Variants in CDK14 observed in about 807,000 individuals in gnomAD.
CDK14 encodes the protein cyclin-dependent kinase 14.
CDK14 carries 34 observed loss-of-function variants against 60.7 expected under a neutral mutation model. The ratio of observed to expected loss-of-function variants is 0.56; its 90% CI spans 0.43 to 0.75. CDK14 has a LOEUF of 0.75. CDK14 is among the 30% of genes least tolerant of loss of function. CDK14 has a pLI of 0.00. For missense variants in CDK14, 482 were observed against 564.1 expected (o/e 0.85, Z 1.47); for synonymous variants, 197 against 203.7 (o/e 0.97, Z 0.28).
intron 6 of CDK14, among the ~76,000 whole-genome samples, chr7:90,875,633 C>T (rs1791532461): frequency 2.0e-5 from 3 of 151,882 alleles, no homozygotes; most frequent in Admixed American, 2.0e-4. Context: ...TACTTGTATT[C>T]AAGAACTTAA....
At chr7:91,066,271 T>C (rs1562890085) in intron 11 of CDK14, among the ~76,000 whole-genome samples, 1 of 152,356 alleles carries the variant, frequency 6.6e-6, no homozygotes, top group African/African-American at 2.4e-5. Context: ...GTTTATACTA[T>C]ATGATGTCAA....
At chr7:91,147,182 A>T (rs1317216797) in intron 14 of CDK14, among the ~76,000 whole-genome samples, 12 of 139,804 alleles carry the variant, frequency 8.6e-5, no homozygotes, top group East Asian at 4.0e-4. Flanking sequence ...ACACACACAC[A>T]CACACACACA....
At chr7:90,895,022 C>T (rs1453891554) in intron 6 of CDK14, among the ~76,000 whole-genome samples, 18 of 151,956 alleles carry the variant, frequency 1.2e-4, no homozygotes, top group Admixed American at 1.2e-3. Flanking sequence ...CTTGTGCTTG[C>T]CTAGTTTGAC....
intron 3 of CDK14, among the ~76,000 whole-genome samples, chr7:90,735,942 G>C (rs1262423157): frequency 6.6e-6 from 1 of 152,218 alleles, no homozygotes; most frequent in East Asian, 1.9e-4. Flanking sequence ...TTGAAACCCA[G>C]GCCCTGGTGG....
At chr7:90,824,308 G>T (rs1459583469) in intron 5 of CDK14, among the ~76,000 whole-genome samples, 2 of 152,268 alleles carry the variant, frequency 1.3e-5, no homozygotes, top group East Asian at 3.9e-4. Context: ...AAAGCTTCAG[G>T]AGAAGAATGT....
intron 13 of CDK14, among the ~76,000 whole-genome samples, chr7:91,116,288 G>A (rs993200329): frequency 7.2e-5 from 11 of 152,188 alleles, no homozygotes; most frequent in African/African-American, 2.4e-4. Context: ...CTCAAATTCA[G>A]TGAAAGAAGG....
chr7:91,052,959 A>G (rs750017823), intron 11 of CDK14, among the ~76,000 whole-genome samples: 2 of 152,100 alleles, frequency 1.3e-5, no homozygotes, highest in Non-Finnish European at 2.9e-5. Context: ...CTTAAAGGGA[A>G]TGTTTACATA....
chr7:91,054,452 A>G (rs1422926725), intron 11 of CDK14, among the ~76,000 whole-genome samples: 3 of 152,186 alleles, frequency 2.0e-5, no homozygotes, highest in African/African-American at 4.8e-5. Flanking sequence ...CTTTAATCAC[A>G]TAGTGAAAAA....
At chr7:90,983,749 A>G (rs941479856) in intron 9 of CDK14, among the ~76,000 whole-genome samples, 5 of 152,138 alleles carry the variant, frequency 3.3e-5, no homozygotes, top group Non-Finnish European at 7.4e-5. Flanking sequence ...CCATTATGCT[A>G]AGTGAATTAA....
Position 90,726,793 on chromosome 7 carries a change from G to C in CDK14, c.350G>C (p.Arg117Pro). 1 of 1,613,524 alleles carries C rather than the reference G, an allele frequency of 6.2e-7. No individual in the cohort carries two copies. The highest frequency in any genetic ancestry group is 8.5e-7 in the Non-Finnish European group (1 of 1,179,740). ...STGKESPKVR[R>P]HSSPSSPTSP... ...GGCAAAGAGTCACCTAAAGTTAGGC[G>C]GCACTCCAGCCCCAGCTCGGTAAGT... The change falls in exon 3 of 15, where the codon CGG (arginine) becomes CCG (proline). Residue 117 changes from arginine (R) to proline (P), a missense_variant. Physicochemically the swap from Arg to Pro is moderately radical, Grantham distance 103. Coordinates refer to ENST00000380050, the MANE Select transcript of CDK14 (RefSeq NM_001287135.2).
chr7:91,070,773 G>A (rs1052511813), intron 11 of CDK14, among the ~76,000 whole-genome samples: 1 of 150,696 alleles, frequency 6.6e-6, no homozygotes. Context: ...AATAAAAAAG[G>A]AAATGTTAAA....
chr7:90,867,714 C>T (rs1275832348), intron 6 of CDK14, among the ~76,000 whole-genome samples: 3 of 151,932 alleles, frequency 2.0e-5, no homozygotes, highest in Non-Finnish European at 2.9e-5. Context: ...AAGTTTCAGT[C>T]GTAAGTTGCA....
intron 2 of CDK14, among the ~76,000 whole-genome samples, chr7:90,724,445 T>G (rs1802559958): frequency 6.6e-6 from 1 of 151,836 alleles, no homozygotes; most frequent in Non-Finnish European, 1.5e-5. Flanking sequence ...TTCTTATTTA[T>G]TATTTCACTC....
intron 14 of CDK14, among the ~76,000 whole-genome samples, chr7:91,171,106 G>A (rs1009722650): frequency 6.6e-6 from 1 of 152,024 alleles, no homozygotes; most frequent in African/African-American, 2.4e-5. Flanking sequence ...TCCCAGCACT[G>A]TGGGAGGCCG....
At chr7:90,814,504 C>T (rs1290554476) in intron 5 of CDK14, among the ~76,000 whole-genome samples, 8 of 152,164 alleles carry the variant, frequency 5.3e-5, no homozygotes, top group Admixed American at 2.6e-4. Flanking sequence ...ACATTGTGGC[C>T]GGGCGTGGTG....
chr7:91,195,522 A>G (rs1052581622), intron 14 of CDK14, among the ~76,000 whole-genome samples: 22 of 152,242 alleles, frequency 1.4e-4, no homozygotes, highest in Admixed American at 1.3e-3. Flanking sequence ...GAAAACTGCA[A>G]TACTTGGGAA....
chr7:90,929,098 C>T (rs1793512074), intron 8 of CDK14, among the ~76,000 whole-genome samples: 1 of 152,158 alleles, frequency 6.6e-6, no homozygotes, highest in Non-Finnish European at 1.5e-5. Context: ...GGGAGTGTCT[C>T]GATTTTCCAT....
At chr7:90,807,493 A>G (rs1788902514) in intron 5 of CDK14, among the ~76,000 whole-genome samples, 1 of 152,226 alleles carries the variant, frequency 6.6e-6, no homozygotes, top group Non-Finnish European at 1.5e-5. Context: ...GACCAAAGGT[A>G]GATAAAACCA....
chr7:90,940,206 C>T (rs995545319), intron 8 of CDK14, among the ~76,000 whole-genome samples: 1 of 152,108 alleles, frequency 6.6e-6, no homozygotes, highest in African/African-American at 2.4e-5. Flanking sequence ...GTTGCCTTTA[C>T]CAGTTTTCTT....
Sources: gnomAD v4.1 joint callset for allele counts (sites outside exome capture counted in the v4.1 genomes callset) on GRCh38, gnomAD v4.1.1 for gene constraint, MANE v1.5 for transcripts, NCBI Gene and HGNC (gene_info 2026-07-23, HGNC 2026-07-21) for gene names.